DLGAP1: variants seen among roughly 807,000 people sequenced by gnomAD.
The protein encoded by DLGAP1 is DLG associated protein 1.
A neutral mutation model predicts 90.8 loss-of-function variants in DLGAP1; 11 were observed. The observed-to-expected ratio is 0.12, with a 90% CI of 0.08 to 0.20. The LOEUF (loss-of-function observed/expected upper bound fraction) is 0.20, where lower values mean the gene tolerates loss of function less well. Ranked by LOEUF, DLGAP1 falls within the 10% of genes least tolerant of loss-of-function variation. The probability of loss-of-function intolerance (pLI) is 1.00; values close to 1 mark genes in which losing one functional copy is unlikely to be tolerated. For missense variants in DLGAP1, 1,050 were observed against 1,333.8 expected (o/e 0.79, Z 3.31); for synonymous variants, 558 against 540.7 (o/e 1.03, Z -0.44).
chr18:4,019,541 C>G (rs1444708500), intron 2 of DLGAP1, among the ~76,000 whole-genome samples: 1 of 152,096 alleles, frequency 6.6e-6, no homozygotes, highest in Non-Finnish European at 1.5e-5. Flanking sequence ...TCTTCAATGT[C>G]TTTGGGGAAG....
At chr18:3,760,151 A>G (rs1267906568) in intron 5 of DLGAP1, among the ~76,000 whole-genome samples, 1 of 152,134 alleles carries the variant, frequency 6.6e-6, no homozygotes, top group South Asian at 2.1e-4. Context: ...AGGCCTCCTT[A>G]TATGTTTGTT....
At chr18:4,034,056 T>C (rs1406532564) in intron 2 of DLGAP1, among the ~76,000 whole-genome samples, 10 of 146,366 alleles carry the variant, frequency 6.8e-5, no homozygotes, top group Admixed American at 3.4e-4. Context: ...TTTTTTTTTT[T>C]CTGAGATGGA....
At chr18:4,255,405 A>G (rs975175924) in intron 1 of DLGAP1, among the ~76,000 whole-genome samples, 1 of 151,708 alleles carries the variant, frequency 6.6e-6, no homozygotes, top group African/African-American at 2.4e-5. Context: ...TTTCTTTTAA[A>G]CTGACTCTCT....
intron 2 of DLGAP1, among the ~76,000 whole-genome samples, chr18:4,023,132 A>C (rs550402830): frequency 6.6e-5 from 10 of 152,234 alleles, no homozygotes; most frequent in Non-Finnish European, 1.2e-4. Context: ...CTGACACTTT[A>C]TCAATGATTT....
At chr18:3,650,197 C>A (rs2059247919) in intron 7 of DLGAP1, among the ~76,000 whole-genome samples, 1 of 152,190 alleles carries the variant, frequency 6.6e-6, no homozygotes, top group Non-Finnish European at 1.5e-5. Context: ...CACCTGCCAT[C>A]ATGCCTGGCT....
intron 9 of DLGAP1, among the ~76,000 whole-genome samples, chr18:3,551,665 C>T (rs868237391): frequency 7.8e-5 from 5 of 64,422 alleles, no homozygotes; most frequent in African/African-American, 2.4e-4. Flanking sequence ...TGTCTCTTTC[C>T]TTCTTTCTTT....
rs1267149861 is a variant in DLGAP1, at chr18:3,600,700, ATCTATAGC to A, written c.1592-18460_1592-18453del. Among the ~76,000 whole-genome samples, 306 of 127,876 alleles carry A rather than the reference ATCTATAGC, an allele frequency of 2.4e-3. 4 individuals are homozygous for A. Among genetic ancestry groups the A allele is most frequent in the African/African-American group, 6.0e-3 (185 of 30,716 alleles). 83.9% of individuals were successfully genotyped at this position (127,876 alleles called of 152,430 possible). On this transcript the variant is annotated intron_variant, in intron 7 of 12. Coordinates refer to ENST00000315677, the MANE Select transcript of DLGAP1 (RefSeq NM_004746.4). The stretch of plus-strand genomic sequence containing the variant: ...GATATCTATAGAGATCTATATAGAT[ATCTATAGC>A]TATATAGATATAGAGATATAGATAT...
rs748050566 is a variant in DLGAP1, at chr18:3,534,472, G to A, written c.2201C>T (p.Ala734Val). The change falls in exon 10 of 13, where the codon GCC becomes GTC. Residue 734 changes from alanine (A) to valine (V), a missense_variant. Ala to Val is a moderately conservative substitution (Grantham distance 64). This residue lies in a region of DLGAP1 where 565 missense variants were observed against 879.7 expected (regional missense o/e 0.64). Coordinates refer to ENST00000315677, the MANE Select transcript of DLGAP1 (RefSeq NM_004746.4). The part of the protein sequence containing the change: ...GPMARQFSRD[A>V]STSTVSIQGS... Reference sequence around the variant, plus strand: ...CTGAATGCTGACTGTGGAGGTGCTGGCATCGCGGGAGAACTGTCTGGCCAT... The same window carrying A: ...CTGAATGCTGACTGTGGAGGTGCTGACATCGCGGGAGAACTGTCTGGCCAT... The A allele has an allele frequency of 1.2e-5, 20 of 1,614,088 alleles. No individual in the cohort carries two copies. The African/African-American group carries it at 2.1e-4, about 17-fold the overall frequency.
intron 3 of DLGAP1, among the ~76,000 whole-genome samples, chr18:3,906,523 C>T (rs540289587): frequency 3.5e-4 from 53 of 152,284 alleles, no homozygotes; most frequent in African/African-American, 9.6e-4. Context: ...CTTTTCTAGA[C>T]GTTTCCTCAA....
intron 4 of DLGAP1, among the ~76,000 whole-genome samples, chr18:3,853,494 C>T (rs542863981): frequency 1.1e-4 from 17 of 151,342 alleles, no homozygotes; most frequent in African/African-American, 3.4e-4. Context: ...CAGTAACAGG[C>T]GGTAAGATTC....
Position 4,342,522 on chromosome 18 carries a change from A to AAGACC in DLGAP1, c.-267+112479_-267+112483dup, listed in dbSNP as rs2081213550. ...AATGTTACCTCATTGCCCACTTTGAAAGACCATATGGTGCATTTACTTGTA... is the reference window on the plus strand; with the variant it reads ...AATGTTACCTCATTGCCCACTTTGAAAGACCAGACCATATGGTGCATTTACTTGTA... On this transcript the variant is annotated intron_variant, in intron 1 of 12. Transcript: ENST00000315677. This position sits in a 1 kb window ranked among gnomAD's most constrained non-coding sequence, Gnocchi z 5.8. Among the ~76,000 whole-genome samples, 3 of 152,170 alleles carry AAGACC rather than the reference A, an allele frequency of 2.0e-5. No individual in the cohort carries two copies. In the South Asian group the frequency reaches 6.2e-4, roughly 32 times the overall value.
intron 9 of DLGAP1, among the ~76,000 whole-genome samples, chr18:3,542,593 T>C (rs2052753967): frequency 6.6e-6 from 1 of 152,188 alleles, no homozygotes; most frequent in South Asian, 2.1e-4. Flanking sequence ...CATCCTGGAA[T>C]TCGCTTTCCA....
At chr18:4,396,673 G>C (rs1450414087) in intron 1 of DLGAP1, among the ~76,000 whole-genome samples, 2 of 152,222 alleles carry the variant, frequency 1.3e-5, no homozygotes, top group Non-Finnish European at 1.5e-5. Context: ...GCTAGGGCTT[G>C]GGTGACCAAA....
chr18:4,454,860 C>G lies in DLGAP1; in HGVS notation c.-267+146G>C, dbSNP rs1260901181. ...AGGGTAAGGAGCGCGGACTCTCGAGCCAGCGGCCGGGGGAGCCCAGCCCGC... is the reference window on the plus strand; with the variant it reads ...AGGGTAAGGAGCGCGGACTCTCGAGGCAGCGGCCGGGGGAGCCCAGCCCGC... On this transcript the variant is annotated intron_variant, in intron 1 of 12. Coordinates refer to ENST00000315677, the MANE Select transcript of DLGAP1 (RefSeq NM_004746.4). This position sits in a 1 kb window ranked among gnomAD's most constrained non-coding sequence, Gnocchi z 4.7. The G allele has an allele frequency of 3.3e-5, 5 of 151,636 alleles. No homozygotes were observed. The highest frequency in any genetic ancestry group is 1.2e-4 in the African/African-American group (5 of 41,374). The allele number at this position is 151,636 out of a possible 1,614,324, so 9.4% of individuals were successfully genotyped here.
chr18:4,223,120 G>T (rs1407180876), intron 1 of DLGAP1, among the ~76,000 whole-genome samples: 2 of 151,684 alleles, frequency 1.3e-5, no homozygotes, highest in Non-Finnish European at 2.9e-5. Context: ...ATAAAATACT[G>T]TTATTATTTT....
chr18:4,390,636 G>C (rs2144417086), intron 1 of DLGAP1, among the ~76,000 whole-genome samples: 1 of 152,150 alleles, frequency 6.6e-6, no homozygotes, highest in Admixed American at 6.5e-5. Flanking sequence ...AGGCTTTTCA[G>C]ATTATTTTCT....
chr18:3,777,307 A>T (rs1162382374), intron 5 of DLGAP1, among the ~76,000 whole-genome samples: 2 of 152,216 alleles, frequency 1.3e-5, no homozygotes, highest in African/African-American at 4.8e-5. Context: ...CCCAGGGACC[A>T]GAAACTTCAT....
chr18:3,765,016 T>C (rs1711561729), intron 5 of DLGAP1, among the ~76,000 whole-genome samples: 1 of 152,116 alleles, frequency 6.6e-6, no homozygotes, highest in Non-Finnish European at 1.5e-5. Context: ...TCAAGTTTGT[T>C]TGTGTGCATG....
chr18:3,961,514 C>A (rs946202360), intron 3 of DLGAP1, among the ~76,000 whole-genome samples: 2 of 151,498 alleles, frequency 1.3e-5, no homozygotes, highest in African/African-American at 4.9e-5. Flanking sequence ...CTGCCCCACC[C>A]ATTTCTCTTC....
Sources: allele counts gnomAD v4.1 joint callset (sites outside exome capture counted in the v4.1 genomes callset), GRCh38; gene constraint gnomAD v4.1.1; regional missense constraint gnomAD v4.1.1; non-coding constraint Gnocchi (gnomAD v3.1); transcripts MANE v1.5; gene names NCBI Gene and HGNC (gene_info 2026-07-23, HGNC 2026-07-21).